RAPGEF4: variants seen among roughly 807,000 people sequenced by gnomAD.
The protein encoded by RAPGEF4 is Rap guanine nucleotide exchange factor 4.
Under a neutral mutation model 147.9 loss-of-function variants are expected in RAPGEF4, and 66 were observed. The ratio of observed to expected loss-of-function variants is 0.45; its 90% CI spans 0.37 to 0.55. The LOEUF (loss-of-function observed/expected upper bound fraction) is 0.55, where lower values mean the gene tolerates loss of function less well. Among genes scored for constraint, RAPGEF4 ranks in the 20% least tolerant of loss-of-function variants. The pLI is 0.00. For missense variants in RAPGEF4, 1,071 were observed against 1,257.3 expected (o/e 0.85, Z 2.24); for synonymous variants, 419 against 442.7 (o/e 0.95, Z 0.67).
chr2:172,803,270 C>T (rs977847153), intron 3 of RAPGEF4, among the ~76,000 whole-genome samples: 2 of 152,228 alleles, frequency 1.3e-5, no homozygotes, highest in East Asian at 1.9e-4. Flanking sequence ...TCTGCCTGGA[C>T]ATCCATGCAT....
chr2:172,904,918 C>A (rs1699464300), intron 4 of RAPGEF4, among the ~76,000 whole-genome samples: 1 of 152,022 alleles, frequency 6.6e-6, no homozygotes, highest in African/African-American at 2.4e-5. Flanking sequence ...TAGAATGCTT[C>A]CTGTCACATG....
chr2:172,794,307 A>G (rs1283837994), intron 1 of RAPGEF4, among the ~76,000 whole-genome samples: 1 of 141,632 alleles, frequency 7.1e-6, no homozygotes, highest in Non-Finnish European at 1.5e-5. Context: ...AGATCATGCC[A>G]TTGCACTCCA....
At chr2:172,835,816 T>C (rs890623853) in intron 4 of RAPGEF4, among the ~76,000 whole-genome samples, 5 of 152,140 alleles carry the variant, frequency 3.3e-5, no homozygotes, top group Admixed American at 1.3e-4. Context: ...CAGTATACAT[T>C]TCCAATTCAG....
intron 4 of RAPGEF4, among the ~76,000 whole-genome samples, chr2:172,857,712 T>A (rs1436853509): frequency 6.6e-6 from 1 of 151,718 alleles, no homozygotes; most frequent in Admixed American, 6.6e-5. Context: ...CAAAACCCCA[T>A]GTGTACAAAA....
chr2:173,024,249 G>A (rs1284461571), intron 23 of RAPGEF4, among the ~76,000 whole-genome samples: 2 of 132,768 alleles, frequency 1.5e-5, no homozygotes, highest in Non-Finnish European at 3.3e-5. Context: ...ACGGAGTCTC[G>A]CTCTGTCGCC....
At chr2:173,004,541 A>G (rs1694252922) in intron 17 of RAPGEF4, among the ~76,000 whole-genome samples, 1 of 152,080 alleles carries the variant, frequency 6.6e-6, no homozygotes, top group Non-Finnish European at 1.5e-5. Flanking sequence ...TTTTAAATGT[A>G]AGAATGAGAT....
chr2:172,979,003 G>A (rs1691395279), intron 10 of RAPGEF4, among the ~76,000 whole-genome samples: 1 of 152,182 alleles, frequency 6.6e-6, no homozygotes, highest in Non-Finnish European at 1.5e-5. Context: ...TAGGTACTGA[G>A]TATCTTTAGC....
At chr2:172,975,422 T>A (rs1353966660) in intron 10 of RAPGEF4, among the ~76,000 whole-genome samples, 1 of 152,218 alleles carries the variant, frequency 6.6e-6, no homozygotes, top group African/African-American at 2.4e-5. Flanking sequence ...ATCCACTATG[T>A]CCTGACAAAG....
chr2:172,920,050 G>T (rs1397898055), intron 5 of RAPGEF4, among the ~76,000 whole-genome samples: 1 of 152,020 alleles, frequency 6.6e-6, no homozygotes, highest in Non-Finnish European at 1.5e-5. Flanking sequence ...TCTAGTCTAG[G>T]CCTGATTTCC....
intron 7 of RAPGEF4, 91 bp from the exon 8 acceptor site, chr2:172,961,031 G>A: frequency 9.5e-7 from 1 of 1,053,662 alleles, no homozygotes; most frequent in African/African-American, 1.6e-5. Flanking sequence ...GCCAGAGTCA[G>A]ATTGGAAAGT....
chr2:172,784,175 G>A (rs553308735), intron 1 of RAPGEF4, among the ~76,000 whole-genome samples: 6 of 152,170 alleles, frequency 3.9e-5, no homozygotes, highest in South Asian at 2.1e-4. Flanking sequence ...TATATCACCC[G>A]AGTACTTTAT....
intron 6 of RAPGEF4, among the ~76,000 whole-genome samples, chr2:172,931,324 A>T (rs1328398700): frequency 6.6e-6 from 1 of 152,148 alleles, no homozygotes; most frequent in Non-Finnish European, 1.5e-5. Flanking sequence ...CCTCAGTCCC[A>T]GGATATTTTT....
chr2:172,787,964 A>G (rs1003228793), intron 1 of RAPGEF4, among the ~76,000 whole-genome samples: 2 of 152,146 alleles, frequency 1.3e-5, no homozygotes, highest in African/African-American at 2.4e-5. Flanking sequence ...ACTGGAATTT[A>G]TTTCTCATAG....
chr2:172,832,173 C>T (rs1235817792), intron 4 of RAPGEF4, among the ~76,000 whole-genome samples: 1 of 152,112 alleles, frequency 6.6e-6, no homozygotes, highest in African/African-American at 2.4e-5. Context: ...CTTTTGGTTG[C>T]CGGTTCCCTC....
intron 4 of RAPGEF4, among the ~76,000 whole-genome samples, chr2:172,887,764 T>G (rs536164553): frequency 6.6e-6 from 1 of 152,240 alleles, no homozygotes; most frequent in African/African-American, 2.4e-5. Flanking sequence ...TTTTCGTGCA[T>G]CTGAGCCTTC....
At chr2:172,738,527 A>G (rs539876493) in intron 1 of RAPGEF4, among the ~76,000 whole-genome samples, 2 of 152,348 alleles carry the variant, frequency 1.3e-5, no homozygotes, top group South Asian at 2.1e-4. Context: ...TACCAGGCAC[A>G]GAATAGGGAG....
At chr2:173,001,238 T>A in intron 16 of RAPGEF4, 28 bp from the exon 17 acceptor site, 10 of 1,602,124 alleles carry the variant, frequency 6.2e-6, no homozygotes, top group Non-Finnish European at 8.5e-6. Flanking sequence ...AGAACCTAAT[T>A]TCCTTTTCTG....
chr2:172,888,996 C>G (rs2080545977), intron 4 of RAPGEF4, among the ~76,000 whole-genome samples: 1 of 152,160 alleles, frequency 6.6e-6, no homozygotes, highest in South Asian at 2.1e-4. Flanking sequence ...TCCTAGACAC[C>G]TCTTCACCGA....
chr2:172,758,189 G>A (rs1695957613), intron 1 of RAPGEF4, among the ~76,000 whole-genome samples: 1 of 152,122 alleles, frequency 6.6e-6, no homozygotes, highest in Admixed American at 6.5e-5. Flanking sequence ...CCTGGCAATG[G>A]GAACAACCAG....
Sources: gnomAD v4.1 joint callset for allele counts (sites outside exome capture counted in the v4.1 genomes callset) on GRCh38, gnomAD v4.1.1 for gene constraint, MANE v1.5 for transcripts, NCBI Gene and HGNC (gene_info 2026-07-23, HGNC 2026-07-21) for gene names.